The following CUTC variants were observed in gnomAD, a reference collection of about 807,000 sequenced individuals.
CUTC encodes the protein cutC copper transporter.
CUTC carries 27 observed loss-of-function variants against 36.2 expected under a neutral mutation model. The observed-to-expected ratio is 0.75, with a 90% confidence interval of 0.55 to 1.03. The LOEUF is 1.03. Among genes scored for constraint, CUTC ranks in the 50% least tolerant of loss-of-function variants. CUTC has a pLI of 0.00. For synonymous variants in CUTC, 114 were observed against 118.3 expected (o/e 0.96, Z 0.24); for missense variants, 315 against 343.5 (o/e 0.92, Z 0.66).
chr10:99,743,936 G>A (rs2037359265), intron 4 of CUTC, 101 bp from the exon 5 acceptor site: 6 of 826,148 alleles, frequency 7.3e-6, no homozygotes, highest in South Asian at 2.0e-5. Context: ...CTTGTTAGGC[G>A]AAGAAAGTAT....
chr10:99,746,715 T>C (rs188786451), intron 5 of CUTC, among the ~76,000 whole-genome samples: 3 of 152,244 alleles, frequency 2.0e-5, no homozygotes, highest in Admixed American at 1.3e-4. Context: ...TTGTAGCATT[T>C]TTAAATTTCT....
rs546191905 is a variant in CUTC at position 99,732,983 on chromosome 10, T to C, written c.61+574T>C. Among the ~76,000 whole-genome samples, 19 of 152,264 alleles carry C rather than the reference T, an allele frequency of 1.2e-4. No homozygotes were observed. In the South Asian group the frequency reaches 3.3e-3, roughly 27 times the overall value. On this transcript the variant is annotated intron_variant, in intron 1 of 8. Transcript: ENST00000370476. Reference sequence around the variant, plus strand: ...TGAAGAGGAACCTTCCTAAAAGTTATCAAGAATCCTCAAAGATTTTTTCTT... The same window carrying C: ...TGAAGAGGAACCTTCCTAAAAGTTACCAAGAATCCTCAAAGATTTTTTCTT...
At chr10:99,754,501 T>C (rs756719217) in intron 7 of CUTC, 28 bp from the exon 8 acceptor site, 3 of 1,393,310 alleles carry the variant, frequency 2.2e-6, no homozygotes, top group East Asian at 4.6e-5. Context: ...TCTATTTTAC[T>C]TAATGTGTTA....
intron 8 of CUTC, among the ~76,000 whole-genome samples, chr10:99,755,082 T>TA (rs2037444927): frequency 1.3e-5 from 2 of 152,228 alleles, no homozygotes; most frequent in South Asian, 4.1e-4. Context: ...ATATTACCAT[T>TA]AAGAAATTGT....
At chr10:99,736,602 G>T (rs1175031554) in intron 2 of CUTC, among the ~76,000 whole-genome samples, 2 of 152,042 alleles carry the variant, frequency 1.3e-5, no homozygotes, top group Admixed American at 6.5e-5. Context: ...ACTTAAAGAT[G>T]ACTTCAGAGA....
intron 2 of CUTC, among the ~76,000 whole-genome samples, chr10:99,738,015 G>A (rs1039623069): frequency 2.0e-5 from 3 of 151,966 alleles, no homozygotes; most frequent in Non-Finnish European, 4.4e-5. Flanking sequence ...GCGTGGTAGT[G>A]CATGCCTGTA....
chr10:99,734,440 T>G (rs2037276777), intron 1 of CUTC, among the ~76,000 whole-genome samples: 1 of 151,524 alleles, frequency 6.6e-6, no homozygotes, highest in African/African-American at 2.4e-5. Context: ...GTTTTATTTG[T>G]TTTTCAAAGT....
chr10:99,736,883 C>G (rs1396387536), intron 2 of CUTC, among the ~76,000 whole-genome samples: 1 of 152,154 alleles, frequency 6.6e-6, no homozygotes, highest in Non-Finnish European at 1.5e-5. Context: ...GGTCAATAAA[C>G]TTTTTCTGTG....
At chr10:99,736,604 C>G (rs2037298880) in intron 2 of CUTC, among the ~76,000 whole-genome samples, 1 of 152,116 alleles carries the variant, frequency 6.6e-6, no homozygotes, top group South Asian at 2.1e-4. Context: ...TTAAAGATGA[C>G]TTCAGAGACT....
chr10:99,754,043 ATGAAGTATAAAGC>A (rs1371565356), intron 7 of CUTC, among the ~76,000 whole-genome samples: 2 of 152,248 alleles, frequency 1.3e-5, no homozygotes, highest in Admixed American at 1.3e-4. Context: ...CTTCTGTGAA[ATGAAGTATAAAGC>A]TGATATCGTA....
intron 5 of CUTC, among the ~76,000 whole-genome samples, chr10:99,746,113 T>C (rs1335749396): frequency 6.6e-6 from 1 of 152,206 alleles, no homozygotes; most frequent in Non-Finnish European, 1.5e-5. Context: ...TTTTACCATA[T>C]ATGAGTGCTA....
At position 99,743,337 on chromosome 10, in the gene CUTC, C is replaced by T. The variant is rs751218883; in HGVS notation, c.378C>T (p.Asp126=). ...CATTGACTGAAGATGGACACATTGACAAAGAGCTGTGTATGTCCCTTATGG... is the reference window on the plus strand; with the variant it reads ...CATTGACTGAAGATGGACACATTGATAAAGAGCTGTGTATGTCCCTTATGG... ...FGALTEDGHI[D]KELCMSLMAI... Residue 126 remains aspartate, a synonymous_variant, in exon 4 of 9, where the codon GAC becomes GAT. Transcript: ENST00000370476. 11 of 1,613,934 alleles carry T rather than the reference C, an allele frequency of 6.8e-6. No homozygotes were observed. In the East Asian group the frequency reaches 2.5e-4, roughly 36 times the overall value.
In CUTC at chr10:99,737,884, C is replaced by T. The variant is rs188355949; in HGVS notation, c.133+1567C>T. Among the ~76,000 whole-genome samples, 781 of 152,236 alleles carry T rather than the reference C, an allele frequency of 5.1e-3. 3 individuals carry two copies. The highest frequency in any genetic ancestry group is 7.4e-3 in the Non-Finnish European group (502 of 68,008). ...AAGACTCTTGCCGGGCGCGGTGGCT[C>T]ACACCTGTAATCCCAGCACTTTGGG... On this transcript the variant is annotated intron_variant, in intron 2 of 8. Transcript: ENST00000370476.
intron 7 of CUTC, among the ~76,000 whole-genome samples, chr10:99,753,735 T>C (rs528099787): frequency 9.9e-5 from 15 of 152,276 alleles, no homozygotes; most frequent in African/African-American, 3.6e-4. Context: ...TAAGGCTCAG[T>C]GATATTACTG....
chr10:99,755,112 T>C (rs148664557), intron 8 of CUTC, among the ~76,000 whole-genome samples: 1 of 152,360 alleles, frequency 6.6e-6, no homozygotes, highest in African/African-American at 2.4e-5. Flanking sequence ...ATGGGGTTTT[T>C]TAAATACTTA....
chr10:99,754,457 CA>C, intron 7 of CUTC, 71 bp from the exon 8 acceptor site: 1 of 957,288 alleles, frequency 1.0e-6, no homozygotes, highest in Admixed American at 2.0e-5. Flanking sequence ...GTAAAGTAAG[CA>C]GTCGTTACTA....
chr10:99,739,660 A>C (rs935205964), intron 2 of CUTC, 50 bp from the exon 3 acceptor site: 1 of 1,537,892 alleles, frequency 6.5e-7, no homozygotes, highest in African/African-American at 1.4e-5. Flanking sequence ...TTGCTGTTTA[A>C]TAACAGCTTA....
At position 99,743,189 on chromosome 10, in the gene CUTC, C is replaced by T; in HGVS notation, c.230C>T (p.Pro77Leu). ...LQVVKQSVQI[P>L]VFVMIRPRGG... ...GTAGTGAAGCAGAGTGTTCAGATCC[C>T]AGTTTTTGTGATGATTCGGCCACGG... The change falls in exon 4 of 9, where the codon CCA becomes CTA. Residue 77 changes from proline to leucine, a missense_variant. Pro to Leu is a moderately conservative substitution (Grantham distance 98). Transcript: ENST00000370476. 1 of 1,614,076 alleles carries T rather than the reference C, an allele frequency of 6.2e-7. No homozygotes were observed. The highest frequency in any genetic ancestry group is 8.5e-7 in the Non-Finnish European group (1 of 1,180,016).
In CUTC at chr10:99,732,328, C is replaced by G. The variant is rs776247573; in HGVS notation, c.-21C>G. 3.9e-6 allele frequency: 6 copies of G among 1,551,236 alleles called. No individual in the cohort carries two copies. In the East Asian group the frequency reaches 1.5e-4, roughly 38 times the overall value. ...ATTCCAAGTGGAAACTGCAGGCGCA[C>G]GAGGGAGGAACGCGTGGAGCATGAA... On this transcript the variant is annotated 5_prime_UTR_variant, in exon 1 of 9. Coordinates refer to ENST00000370476, the MANE Select transcript of CUTC (RefSeq NM_015960.3).
Sources: gnomAD v4.1 joint callset for allele counts (sites outside exome capture counted in the v4.1 genomes callset) on GRCh38, gnomAD v4.1.1 for gene constraint, MANE v1.5 for transcripts, NCBI Gene and HGNC (gene_info 2026-07-23, HGNC 2026-07-21) for gene names.